Variants in KPNA6 observed in about 807,000 individuals in gnomAD.
The protein encoded by KPNA6 is karyopherin subunit alpha 6.
Under a neutral mutation model 72.0 loss-of-function variants are expected in KPNA6, and 9 were observed. That is an observed-to-expected ratio of 0.13 (90% confidence interval 0.08 to 0.22). KPNA6 has a LOEUF of 0.22. Among genes scored for constraint, KPNA6 ranks in the 10% least tolerant of loss-of-function variants. The pLI, the probability that KPNA6 is intolerant of heterozygous loss-of-function variation, is 1.00. For missense variants in KPNA6, 374 were observed against 655.7 expected, an observed-to-expected ratio of 0.57 and a Z score of 4.69; for synonymous variants, 219 against 242.1, an observed-to-expected ratio of 0.90 and a Z score of 0.89.
In KPNA6 at chr1:32,157,435, G is replaced by A. The variant is rs1438733728; in HGVS notation, c.321G>A (p.Leu107=). The A allele has an allele frequency of 6.2e-7, 1 of 1,612,652 alleles. No individual in the cohort carries two copies. Among genetic ancestry groups the A allele is most frequent in the Non-Finnish European group, 8.5e-7 (1 of 1,178,708 alleles). Residue 107 remains leucine (L), a synonymous_variant, in exon 4 of 14, where the codon CTG becomes CTA. Coordinates refer to ENST00000373625, the MANE Select transcript of KPNA6 (RefSeq NM_012316.5). ...CAACCACACAGAAATTCCGGAAACT[G>A]CTCTCCAAAGGTACAAAGCCTGGCC... ...QLATTQKFRK[L]LSKEPSPPID... is the part of the protein sequence containing the mutation.
At chr1:32,167,086 C>T in intron 11 of KPNA6, 83 bp from the exon 12 acceptor site, 1 of 1,519,530 alleles carries the variant, frequency 6.6e-7, no homozygotes, top group Non-Finnish European at 9.0e-7. Context: ...ATGTCTAAGT[C>T]TCAGCTGATT....
intron 1 of KPNA6, among the ~76,000 whole-genome samples, chr1:32,133,939 C>A (rs1421484931): frequency 3.3e-5 from 5 of 151,436 alleles, no homozygotes; most frequent in Non-Finnish European, 5.9e-5. Flanking sequence ...ACTGCGGAGG[C>A]TGAAGGAAGA....
At chr1:32,118,068 A>G (rs563855587) in intron 1 of KPNA6, among the ~76,000 whole-genome samples, 2 of 152,186 alleles carry the variant, frequency 1.3e-5, no homozygotes, top group Admixed American at 6.5e-5. Context: ...GATTACAGGC[A>G]TGCACCACCA....
Position 32,154,629 on chromosome 1 carries a change from A to C in KPNA6, c.46A>C (p.Ser16Arg). 6.2e-7 allele frequency: 1 copy of C among 1,614,000 alleles called. No homozygotes were observed. Among genetic ancestry groups the C allele is most frequent in the Non-Finnish European group, 8.5e-7 (1 of 1,179,936 alleles). ...SPGKDNYRMK[S>R]YKNNALNPEE... ...AGGGAAAGACAATTATCGAATGAAG[A>C]GCTATAAGAACAATGCTCTAAACCC... is the stretch of plus-strand genomic sequence containing the variant. Residue 16 changes from serine to arginine, a missense_variant, in exon 2 of 14, where the codon AGC (serine) becomes CGC (arginine). Coordinates refer to ENST00000373625, the MANE Select transcript of KPNA6 (RefSeq NM_012316.5).
chr1:32,150,612 G>A (rs867919215), intron 1 of KPNA6, among the ~76,000 whole-genome samples: 2 of 151,784 alleles, frequency 1.3e-5, no homozygotes, highest in African/African-American at 4.8e-5. Context: ...CTGCTGCTTA[G>A]CATGTATAGT....
At chr1:32,116,660 G>C (rs1341646960) in intron 1 of KPNA6, among the ~76,000 whole-genome samples, 1 of 152,002 alleles carries the variant, frequency 6.6e-6, no homozygotes, top group Non-Finnish European at 1.5e-5. Flanking sequence ...CAAAAAAAAA[G>C]AACTTTTCCT....
intron 1 of KPNA6, among the ~76,000 whole-genome samples, chr1:32,148,702 G>T (rs532064375): frequency 1.3e-5 from 2 of 149,776 alleles, no homozygotes; most frequent in African/African-American, 4.9e-5. Context: ...GATTACAGGC[G>T]CACGCCACCA....
intron 1 of KPNA6, among the ~76,000 whole-genome samples, chr1:32,143,457 T>A (rs1470246866): frequency 1.3e-5 from 2 of 150,832 alleles, no homozygotes; most frequent in Non-Finnish European, 3.0e-5. Context: ...TGGTGGTGGG[T>A]GCCTGTAATC....
chr1:32,167,074 A>C, intron 11 of KPNA6, 95 bp from the exon 12 acceptor site: 1 of 1,445,422 alleles, frequency 6.9e-7, no homozygotes, highest in Non-Finnish European at 9.5e-7. Context: ...AGAATGGGGA[A>C]GATGTCTAAG....
At chr1:32,159,649 G>C (rs41308244) in intron 6 of KPNA6, 118 bp downstream of exon 6, 95,258 of 1,158,970 alleles carry the variant, frequency 0.082, 5,565 homozygotes, top group South Asian at 0.23. Flanking sequence ...CTGAGTGATA[G>C]GGGTGTCAAG....
chr1:32,144,656 C>CT (rs34038395), intron 1 of KPNA6, among the ~76,000 whole-genome samples: 36 of 146,646 alleles, frequency 2.5e-4, no homozygotes, highest in South Asian at 4.3e-4. Flanking sequence ...GTTTTTAAAA[C>CT]TTTTTTTTTT....
chr1:32,163,218 A>C lies in KPNA6; in HGVS notation c.912-17A>C, dbSNP rs1253199468. On this transcript the variant is annotated splice_polypyrimidine_tract_variant and intron_variant, in intron 9 of 13. Transcript: ENST00000373625. ...AATGGTGTGCTGGCCTTCTGATCAG[A>C]TCTCCCTCCTCTGTAGGCACAATGA... is the stretch of plus-strand genomic sequence containing the variant. 6.3e-7 allele frequency: 1 copy of C among 1,587,438 alleles called. No homozygotes were observed. Among genetic ancestry groups the C allele is most frequent in the Non-Finnish European group, 8.6e-7 (1 of 1,156,394 alleles).
At chr1:32,140,540 A>G (rs970796457) in intron 1 of KPNA6, among the ~76,000 whole-genome samples, 1 of 152,264 alleles carries the variant, frequency 6.6e-6, no homozygotes, top group Non-Finnish European at 1.5e-5. Context: ...TATGATGTTA[A>G]AAATCATTGA....
chr1:32,121,128 C>T (rs765239719), intron 1 of KPNA6, among the ~76,000 whole-genome samples: 15 of 152,156 alleles, frequency 9.9e-5, no homozygotes, highest in African/African-American at 1.9e-4. Context: ...CTGCCTCCCT[C>T]GGCCTCCCAG....
rs750942954 is a variant in KPNA6, at chr1:32,169,985, C to T, written c.1348C>T (p.Arg450Trp). ...VALNGLENILRLGEQEGKRSG... is the reference protein window; with the variant it reads ...VALNGLENILWLGEQEGKRSG... ...CCTCAATGGACTGGAGAACATCCTGCGGCTTGGAGAGCAAGAGGGCAAGCG... is the reference window on the plus strand; with the variant it reads ...CCTCAATGGACTGGAGAACATCCTGTGGCTTGGAGAGCAAGAGGGCAAGCG... The change falls in exon 13 of 14, where the codon CGG becomes TGG. Residue 450 changes from arginine to tryptophan, a missense_variant. Transcript: ENST00000373625. 3.7e-6 allele frequency: 6 copies of T among 1,613,952 alleles called. No homozygotes were observed. Among genetic ancestry groups the T allele is most frequent in the Non-Finnish European group, 5.1e-6 (6 of 1,180,014 alleles).
Position 32,108,124 on chromosome 1 carries a change from AC to A in KPNA6, c.-4del, listed in dbSNP as rs750851607. 6.2e-7 allele frequency: 1 copy of A among 1,613,944 alleles called. No individual in the cohort carries two copies. Among genetic ancestry groups the A allele is most frequent in the South Asian group, 1.1e-5 (1 of 91,062 alleles). On this transcript the variant is annotated 5_prime_UTR_variant, in exon 1 of 14. Transcript: ENST00000373625. ...TCCGCCGCCAAGAGTGAGCGAGCGG[AC>A]CCGCGATGGGTGAGTGAGGAAACCA...
intron 1 of KPNA6, among the ~76,000 whole-genome samples, chr1:32,135,650 T>TA (rs59660199): frequency 7.9e-5 from 12 of 151,010 alleles, no homozygotes; most frequent in African/African-American, 2.9e-4. Flanking sequence ...TTTTTTTTTT[T>TA]AGAGGCAGGG....
chr1:32,167,106 G>A (rs964218877), intron 11 of KPNA6, 63 bp from the exon 12 acceptor site: 35 of 1,587,312 alleles, frequency 2.2e-5, no homozygotes, highest in Non-Finnish European at 3.0e-5. Flanking sequence ...TTGGGGACTA[G>A]ATTTATTTAT....
chr1:32,138,752 G>A (rs999397930), intron 1 of KPNA6, among the ~76,000 whole-genome samples: 8 of 152,080 alleles, frequency 5.3e-5, no homozygotes, highest in Non-Finnish European at 1.2e-4. Context: ...GGTGTTACTA[G>A]AATCATGAAT....
Sources: allele counts gnomAD v4.1 joint callset (sites outside exome capture counted in the v4.1 genomes callset), GRCh38; gene constraint gnomAD v4.1.1; transcripts MANE v1.5; gene names NCBI Gene and HGNC (gene_info 2026-07-23, HGNC 2026-07-21).